DCLK1: variants seen among roughly 807,000 people sequenced by gnomAD.
DCLK1 encodes doublecortin like kinase 1, also known as serine/threonine-protein kinase DCLK1.
DCLK1 carries 16 observed loss-of-function variants against 86.2 expected under a neutral mutation model. The ratio of observed to expected loss-of-function variants is 0.19; its 90% CI spans 0.13 to 0.28. DCLK1 has a LOEUF of 0.28. Among genes scored for constraint, DCLK1 ranks in the 10% least tolerant of loss-of-function variants. DCLK1 has a pLI of 1.00. For synonymous variants in DCLK1, 369 were observed against 370.5 expected, an observed-to-expected ratio of 1.00 and a Z score of 0.05; for missense variants, 590 against 940.2, an observed-to-expected ratio of 0.63 and a Z score of 4.87.
intron 4 of DCLK1, among the ~76,000 whole-genome samples, chr13:35,908,609 T>C (rs1874814921): frequency 6.6e-6 from 1 of 152,184 alleles, no homozygotes; most frequent in Non-Finnish European, 1.5e-5. Context: ...CCAGCTCCTA[T>C]TATGGATTTC....
chr13:36,053,626 G>T (rs1566661762), intron 3 of DCLK1, among the ~76,000 whole-genome samples: 2 of 149,164 alleles, frequency 1.3e-5, no homozygotes, highest in Admixed American at 6.7e-5. Flanking sequence ...ATAGTATCAC[G>T]ATATATATAT....
At chr13:36,051,346 C>T (rs184916229) in intron 3 of DCLK1, among the ~76,000 whole-genome samples, 40 of 152,250 alleles carry the variant, frequency 2.6e-4, no homozygotes, top group African/African-American at 9.6e-4. Flanking sequence ...CCAAACCTCA[C>T]CAGCCATCTC....
Position 35,768,933 on chromosome 13 carries a change from G to T in DCLK1, c.*5602C>A, listed in dbSNP as rs2086279867. On this transcript the variant is annotated 3_prime_UTR_variant, in exon 17 of 17. Coordinates refer to ENST00000360631, the MANE Select transcript of DCLK1 (RefSeq NM_001330071.2). The stretch of plus-strand genomic sequence containing the variant: ...TAAGGTGAAATTTTACTCCAATATG[G>T]CAAATGAACTGAGGAGCGTACCCTT... 6.6e-6 allele frequency: 1 copy of T among 152,138 alleles called. No individual in the cohort carries two copies. The highest frequency in any genetic ancestry group is 1.5e-5 in the Non-Finnish European group (1 of 68,022). The allele number at this position is 152,138 out of a possible 1,614,324, so 9.4% of individuals were successfully genotyped here. A position where few individuals can be genotyped will look rare whatever the true frequency, so the allele number is the denominator to read the frequency against.
At chr13:36,115,822 C>T (rs1398409944) in intron 2 of DCLK1, among the ~76,000 whole-genome samples, 8 of 150,110 alleles carry the variant, frequency 5.3e-5, no homozygotes, top group African/African-American at 2.0e-4. Flanking sequence ...TAATTTCTTT[C>T]CTGAAAGATT....
chr13:35,849,598 A>G, intron 6 of DCLK1: 5 of 977,464 alleles, frequency 5.1e-6, no homozygotes, highest in Non-Finnish European at 6.1e-6. Context: ...TTAAGCAAAG[A>G]CGACTATAAT....
At chr13:35,947,335 T>C (rs781594339) in intron 4 of DCLK1, 23 bp downstream of exon 4, 8 of 1,607,140 alleles carry the variant, frequency 5.0e-6, no homozygotes, top group Non-Finnish European at 6.8e-6. Flanking sequence ...TTTCCCCTGG[T>C]TTTGAACTTT....
At chr13:35,893,299 C>G (rs1873753672) in intron 4 of DCLK1, among the ~76,000 whole-genome samples, 1 of 152,132 alleles carries the variant, frequency 6.6e-6, no homozygotes, top group Non-Finnish European at 1.5e-5. Flanking sequence ...TTAACTTATC[C>G]CCTTGGCAAA....
At chr13:35,833,590 A>G (rs1205329050) in intron 8 of DCLK1, among the ~76,000 whole-genome samples, 1 of 152,230 alleles carries the variant, frequency 6.6e-6, no homozygotes, top group East Asian at 1.9e-4. Context: ...ACAGGACCAC[A>G]GAAAGACATC....
At chr13:36,131,017 C>A (rs1886345238) in intron 1 of DCLK1, 97 bp downstream of exon 1, 1 of 150,010 alleles carries the variant, frequency 6.7e-6, no homozygotes, top group African/African-American at 2.4e-5. Flanking sequence ...GCCCGCCCTG[C>A]CCTCGGCGCC....
rs868003992 is a variant in DCLK1 at position 35,845,182 on chromosome 13, A to G, written c.1036-6006T>C. Among the ~76,000 whole-genome samples the G allele has an allele frequency of 3.3e-5, 5 of 152,196 alleles. No individual in the cohort carries two copies. In the South Asian group the frequency reaches 1.0e-3, roughly 31 times the overall value. The stretch of plus-strand genomic sequence containing the variant: ...AGAACCGCTTGAACCCAGAAGGCGG[A>G]GGTTGCAGTGAGCCAAGATCGCACC... On this transcript the variant is annotated intron_variant, in intron 6 of 16. Transcript: ENST00000360631.
rs772398076 is a variant in DCLK1, at chr13:35,827,622, C to T, written c.1407+13G>A. 5.0e-6 allele frequency: 8 copies of T among 1,613,504 alleles called. No homozygotes were observed. Among genetic ancestry groups the T allele is most frequent in the Non-Finnish European group, 6.8e-6 (8 of 1,179,860 alleles). On this transcript the variant is annotated intron_variant, in intron 10 of 16. Coordinates refer to ENST00000360631, the MANE Select transcript of DCLK1 (RefSeq NM_001330071.2). ...CCATCAATAAAGACTTACTTTCTTT[C>T]CAAAATACACACCTTTACTAATTCC...
upstream of DCLK1, among the ~76,000 whole-genome samples, chr13:36,131,864 G>A (rs901266785): frequency 6.6e-6 from 1 of 152,218 alleles, no homozygotes; most frequent in African/African-American, 2.4e-5. Flanking sequence ...CACCCACGCA[G>A]TGCCTCTTCG....
At chr13:36,024,971 T>C (rs1881970778) in intron 3 of DCLK1, among the ~76,000 whole-genome samples, 1 of 149,736 alleles carries the variant, frequency 6.7e-6, no homozygotes, top group African/African-American at 2.4e-5. Context: ...TTTCTTTCTT[T>C]TTTTTTTTTT....
intron 3 of DCLK1, among the ~76,000 whole-genome samples, chr13:36,007,231 T>C (rs1225225577): frequency 1.3e-5 from 2 of 152,154 alleles, no homozygotes; most frequent in Non-Finnish European, 2.9e-5. Flanking sequence ...CTCAAACACC[T>C]GAAATCATGA....
intron 5 of DCLK1, among the ~76,000 whole-genome samples, chr13:35,868,464 C>T (rs1416278265): frequency 6.6e-6 from 1 of 152,090 alleles, no homozygotes; most frequent in African/African-American, 2.4e-5. Flanking sequence ...GATGCATCTG[C>T]CCCACACTTG....
At chr13:36,004,999 T>C (rs553071375) in intron 3 of DCLK1, among the ~76,000 whole-genome samples, 14 of 152,336 alleles carry the variant, frequency 9.2e-5, no homozygotes, top group African/African-American at 3.4e-4. Context: ...ACAAATAAAA[T>C]TGTGGCACTG....
chr13:36,124,946 G>A (rs1886116532), intron 2 of DCLK1, among the ~76,000 whole-genome samples: 1 of 152,088 alleles, frequency 6.6e-6, no homozygotes, highest in Non-Finnish European at 1.5e-5. Context: ...TGATTTCTAA[G>A]GCAATGACAG....
At chr13:35,902,758 G>A (rs1370129094) in intron 4 of DCLK1, among the ~76,000 whole-genome samples, 2 of 152,020 alleles carry the variant, frequency 1.3e-5, no homozygotes, top group African/African-American at 2.4e-5. Flanking sequence ...ACACAGGCAG[G>A]GCCTCCTAAC....
chr13:35,811,660 C>A lies in DCLK1; in HGVS notation c.1555-692G>T, dbSNP rs201790975. Among the ~76,000 whole-genome samples the A allele has an allele frequency of 5.5e-4, 84 of 151,934 alleles. No individual in the cohort carries two copies. In the East Asian group the frequency reaches 0.016, roughly 29 times the overall value. On this transcript the variant is annotated intron_variant, in intron 11 of 16. Transcript: ENST00000360631. ...ACCAGCCTGGCCAATATGGTGAAAC[C>A]CTGTCTCTACTAAAAATACAAAAAG... is the stretch of plus-strand genomic sequence containing the variant.
Sources: gnomAD v4.1 joint callset for allele counts (sites outside exome capture counted in the v4.1 genomes callset) on GRCh38, gnomAD v4.1.1 for gene constraint, MANE v1.5 for transcripts, NCBI Gene and HGNC (gene_info 2026-07-23, HGNC 2026-07-21) for gene names.